The following KSR2 variants were observed in gnomAD, a reference collection of about 807,000 sequenced individuals.
The protein encoded by KSR2 is kinase suppressor of ras 2.
In KSR2, 25 loss-of-function variants were observed where a neutral mutation model predicts 107.8. The observed-to-expected ratio is 0.23, with a 90% confidence interval of 0.17 to 0.32. The LOEUF (loss-of-function observed/expected upper bound fraction) is 0.32. KSR2 is among the 10% of genes least tolerant of loss of function. The pLI, the probability that KSR2 is intolerant of heterozygous loss-of-function variation, is 1.00. For synonymous variants in KSR2, 480 were observed against 507.0 expected (o/e 0.95, Z 0.71); for missense variants, 887 against 1,268.9 (o/e 0.70, Z 4.57).
At chr12:117,496,211 C>T (rs1873018673) in intron 14 of KSR2, among the ~76,000 whole-genome samples, 1 of 152,170 alleles carries the variant, frequency 6.6e-6, no homozygotes, top group Non-Finnish European at 1.5e-5. Context: ...CCTCTCTGGT[C>T]TAGGCTTCAT....
At chr12:117,628,617 C>T (rs1882651947) in intron 5 of KSR2, among the ~76,000 whole-genome samples, 1 of 152,120 alleles carries the variant, frequency 6.6e-6, no homozygotes, top group South Asian at 2.1e-4. Context: ...TGTCTGTTGT[C>T]CCCTACTGGG....
chr12:117,829,160 C>G (rs1355326451), intron 3 of KSR2, among the ~76,000 whole-genome samples: 1 of 152,096 alleles, frequency 6.6e-6, no homozygotes, highest in Non-Finnish European at 1.5e-5. Flanking sequence ...ACCTCCCTCC[C>G]CAGTCTCATC....
rs7300294 is a variant in KSR2 at position 117,474,669 on chromosome 12, C to A, written c.2582+1795G>T. Among the ~76,000 whole-genome samples the A allele has an allele frequency of 5.0e-3, 762 of 152,300 alleles. 6 individuals carry two copies. Among genetic ancestry groups the A allele is most frequent in the African/African-American group, 0.017 (711 of 41,564 alleles). ...TTTCTCAGGGCACTCTTCCCTGCAT[C>A]CTGGCGCTGTGTCCTAGGCCCTTCT... is the stretch of plus-strand genomic sequence containing the variant. On this transcript the variant is annotated intron_variant, in intron 17 of 19. Transcript: ENST00000339824.
rs189106450 is a variant in KSR2, at chr12:117,499,399, C to G, written c.2220-13708G>C. On this transcript the variant is annotated intron_variant, in intron 14 of 19. Coordinates refer to ENST00000339824, the MANE Select transcript of KSR2 (RefSeq NM_173598.6). Reference sequence around the variant, plus strand: ...ATAAATGCATGTTCCTTTTGTAAATCGAGAAAAAAGGAAGAAATGAGAAAA... The same window carrying G: ...ATAAATGCATGTTCCTTTTGTAAATGGAGAAAAAAGGAAGAAATGAGAAAA... Among the ~76,000 whole-genome samples, 802 of 152,018 alleles carry G rather than the reference C, an allele frequency of 5.3e-3. 4 individuals are homozygous for G. Among genetic ancestry groups the G allele is most frequent in the Middle Eastern group, 0.01 (3 of 294 alleles).
chr12:117,697,237 A>G (rs913011103), intron 4 of KSR2, among the ~76,000 whole-genome samples: 2 of 152,214 alleles, frequency 1.3e-5, no homozygotes, highest in Non-Finnish European at 2.9e-5. Flanking sequence ...TTATTGTTAA[A>G]GTAAATCCAC....
intron 1 of KSR2, among the ~76,000 whole-genome samples, chr12:117,935,690 G>A (rs1002502208): frequency 1.3e-5 from 2 of 152,172 alleles, no homozygotes; most frequent in Non-Finnish European, 2.9e-5. Context: ...GAACAGGGAG[G>A]TGGAGATTGC....
chr12:117,574,234 G>A (rs1476792006), intron 7 of KSR2, among the ~76,000 whole-genome samples: 2 of 151,290 alleles, frequency 1.3e-5, no homozygotes, highest in Non-Finnish European at 2.9e-5. Flanking sequence ...GGGGATTCTT[G>A]TGCACACTCA....
chr12:117,649,428 C>T (rs919318334), intron 5 of KSR2, among the ~76,000 whole-genome samples: 6 of 152,190 alleles, frequency 3.9e-5, no homozygotes. Context: ...TTAAAGCTGA[C>T]CTAAATCCAA....
intron 4 of KSR2, among the ~76,000 whole-genome samples, chr12:117,704,784 A>G (rs889042693): frequency 7.9e-5 from 12 of 151,820 alleles, no homozygotes; most frequent in Admixed American, 2.0e-4. Flanking sequence ...ACTTGAACCC[A>G]GGAGGTGGAG....
chr12:117,812,503 G>A (rs1369299170), intron 3 of KSR2, among the ~76,000 whole-genome samples: 3 of 152,048 alleles, frequency 2.0e-5, no homozygotes, highest in African/African-American at 4.8e-5. Flanking sequence ...CATTCCAAGC[G>A]AAGTCTTCAG....
intron 4 of KSR2, among the ~76,000 whole-genome samples, chr12:117,714,426 T>C (rs1409730817): frequency 6.6e-6 from 1 of 152,028 alleles, no homozygotes; most frequent in East Asian, 1.9e-4. Context: ...TCTCAGAGCC[T>C]GGGAATAAGA....
chr12:117,803,666 G>C (rs967348858), intron 3 of KSR2, among the ~76,000 whole-genome samples: 2 of 152,116 alleles, frequency 1.3e-5, no homozygotes, highest in Admixed American at 6.5e-5. Flanking sequence ...TCGCACCACT[G>C]CATTCCAGCC....
intron 19 of KSR2, among the ~76,000 whole-genome samples, chr12:117,467,525 G>T (rs1485420456): frequency 6.6e-6 from 1 of 152,268 alleles, no homozygotes; most frequent in African/African-American, 2.4e-5. Flanking sequence ...GCTTCGGGAG[G>T]TTAAGTGTTT....
intron 9 of KSR2, among the ~76,000 whole-genome samples, chr12:117,547,544 G>T (rs184489605): frequency 6.6e-6 from 1 of 152,078 alleles, no homozygotes; most frequent in Non-Finnish European, 1.5e-5. Context: ...GGATGCCAGG[G>T]TTCAGCTTGA....
chr12:117,898,205 G>C (rs1894572513), intron 1 of KSR2, among the ~76,000 whole-genome samples: 1 of 152,128 alleles, frequency 6.6e-6, no homozygotes, highest in Non-Finnish European at 1.5e-5. Flanking sequence ...AACTGTCTTG[G>C]TACAGAGTTA....
intron 3 of KSR2, among the ~76,000 whole-genome samples, chr12:117,798,010 G>A (rs554637685): frequency 1.5e-4 from 23 of 152,262 alleles, no homozygotes; most frequent in South Asian, 1.5e-3. Flanking sequence ...TGCCTTGACC[G>A]GAAAGTGTGA....
chr12:117,936,936 C>A (rs770490653), intron 1 of KSR2, among the ~76,000 whole-genome samples: 41 of 152,290 alleles, frequency 2.7e-4, no homozygotes, highest in South Asian at 1.5e-3. Context: ...GGAGACTAGA[C>A]AAACATGAGC....
chr12:117,837,210 C>T (rs1353844984), intron 3 of KSR2, among the ~76,000 whole-genome samples: 1 of 152,144 alleles, frequency 6.6e-6, no homozygotes, highest in Non-Finnish European at 1.5e-5. Context: ...CGAGAAAGCT[C>T]GGTCTGTGAA....
intron 3 of KSR2, among the ~76,000 whole-genome samples, chr12:117,816,580 G>T (rs1017326281): frequency 6.6e-6 from 1 of 152,132 alleles, no homozygotes; most frequent in African/African-American, 2.4e-5. Context: ...ATGGCTGAGG[G>T]CACAGACCCT....
Sources: allele counts gnomAD v4.1 joint callset (sites outside exome capture counted in the v4.1 genomes callset), GRCh38; gene constraint gnomAD v4.1.1; transcripts MANE v1.5; gene names NCBI Gene and HGNC (gene_info 2026-07-23, HGNC 2026-07-21).